The following FSCN1 variants were observed in gnomAD, a reference collection of about 807,000 sequenced individuals.
The protein encoded by FSCN1 is fascin.
In FSCN1, 10 loss-of-function variants were observed where a neutral mutation model predicts 39.7. The observed-to-expected ratio is 0.25, with a 90% CI of 0.16 to 0.43. The LOEUF is 0.43. Among genes scored for constraint, FSCN1 ranks in the 20% least tolerant of loss-of-function variants. The probability of loss-of-function intolerance (pLI) is 1.00; values close to 1 mark genes in which losing one functional copy is unlikely to be tolerated. For synonymous variants in FSCN1, 322 were observed against 320.0 expected (o/e 1.01, Z -0.07); for missense variants, 525 against 723.8 (o/e 0.73, Z 3.15).
In FSCN1 at chr7:5,600,232, T is replaced by C. The variant is rs144045789; in HGVS notation, c.833-3025T>C. ...TTTGAGACCGGCCTGGCCAACATAATGAAACTCCGTCTCTACTAAAAATAC... is the reference window on the plus strand; with the variant it reads ...TTTGAGACCGGCCTGGCCAACATAACGAAACTCCGTCTCTACTAAAAATAC... On this transcript the variant is annotated intron_variant, in intron 1 of 4. Transcript: ENST00000382361. Among the ~76,000 whole-genome samples the C allele has an allele frequency of 3.6e-3, 540 of 152,074 alleles. 4 individuals carry two copies. The highest frequency in any genetic ancestry group is 0.012 in the African/African-American group (498 of 41,482).
intron 4 of FSCN1, among the ~76,000 whole-genome samples, chr7:5,604,448 G>A (rs1266517960): frequency 6.6e-6 from 1 of 152,074 alleles, no homozygotes; most frequent in East Asian, 1.9e-4. Flanking sequence ...ACAATCCAGA[G>A]GTGCCTGTTA....
At chr7:5,595,367 A>G (rs1185513441) in intron 1 of FSCN1, among the ~76,000 whole-genome samples, 4 of 152,238 alleles carry the variant, frequency 2.6e-5, no homozygotes, top group Non-Finnish European at 5.9e-5. Context: ...ATTTGGCTCC[A>G]GAAACCCCGT....
chr7:5,604,990 C>T (rs1785906693), intron 4 of FSCN1, among the ~76,000 whole-genome samples: 1 of 152,080 alleles, frequency 6.6e-6, no homozygotes, highest in Non-Finnish European at 1.5e-5. Context: ...GCAAGGCTGG[C>T]TCGAACTCCT....
intron 4 of FSCN1, among the ~76,000 whole-genome samples, chr7:5,604,590 T>A (rs1451398942): frequency 6.6e-6 from 1 of 152,052 alleles, no homozygotes; most frequent in Non-Finnish European, 1.5e-5. Flanking sequence ...TGCCTCAGCC[T>A]CCCAAGTAGC....
chr7:5,593,997 G>A (rs1785681184), intron 1 of FSCN1: 2 of 552,484 alleles, frequency 3.6e-6, no homozygotes, highest in South Asian at 2.2e-5. Context: ...CTGGGATCAT[G>A]GGCTCCCCTA....
chr7:5,593,653 G>T lies in FSCN1; in HGVS notation c.717G>T (p.Thr239=). 1.9e-6 allele frequency: 3 copies of T among 1,580,308 alleles called. No individual in the cohort carries two copies. Among genetic ancestry groups the T allele is most frequent in the Non-Finnish European group, 2.6e-6 (3 of 1,170,476 alleles). ...RYLAPSGPSG[T]LKAGKATKVG... The stretch of plus-strand genomic sequence containing the variant: ...TGGCGCCGTCGGGGCCCAGCGGCAC[G>T]CTCAAGGCGGGCAAGGCCACCAAGG... Residue 239 remains threonine, a synonymous_variant, in exon 1 of 5, where the codon ACG becomes ACT. Coordinates refer to ENST00000382361, the MANE Select transcript of FSCN1 (RefSeq NM_003088.4).
chr7:5,593,980 C>T (rs1785680861), intron 1 of FSCN1: 2 of 556,496 alleles, frequency 3.6e-6, no homozygotes, highest in African/African-American at 2.0e-5. Context: ...CCACCTCCCA[C>T]CCCGGGCTGG....
At position 5,603,059 on chromosome 7, in the gene FSCN1, G is replaced by A. The variant is rs1469931709; in HGVS notation, c.833-198G>A. ...AGTCATGTGGGAACAGATGTAGCTT[G>A]CCTTGGCCTCTGACCGGCCCTGCCT... On this transcript the variant is annotated intron_variant, in intron 1 of 4. Coordinates refer to ENST00000382361, the MANE Select transcript of FSCN1 (RefSeq NM_003088.4). This position sits in a 1 kb window ranked among gnomAD's most constrained non-coding sequence, Gnocchi z 8.5. 2 of 610,308 alleles carry A rather than the reference G, an allele frequency of 3.3e-6. No homozygotes were observed. Among genetic ancestry groups the A allele is most frequent in the African/African-American group, 3.7e-5 (2 of 54,152 alleles). 37.8% of individuals were successfully genotyped at this position (610,308 alleles called of 1,614,324 possible). A position where few individuals can be genotyped will look rare whatever the true frequency, so the allele number is the denominator to read the frequency against.
At chr7:5,597,747 TAA>T (rs566357479) in intron 1 of FSCN1, among the ~76,000 whole-genome samples, 7 of 133,908 alleles carry the variant, frequency 5.2e-5, no homozygotes, top group African/African-American at 8.3e-5. Context: ...AGAAAAAAGT[TAA>T]AAAAAAAAAA....
At position 5,603,602 on chromosome 7, in the gene FSCN1, T is replaced by C; in HGVS notation, c.1096T>C (p.Ser366Pro). ...TSKKNGQLAA[S>P]VETAGDSELF... ...CAAGAAGAATGGGCAGCTGGCCGCC[T>C]CGGTGGAGACAGCAGGTAACACTAA... is the stretch of plus-strand genomic sequence containing the variant. The change falls in exon 3 of 5, where the codon TCG becomes CCG. Residue 366 changes from serine to proline, a missense_variant. Coordinates refer to ENST00000382361, the MANE Select transcript of FSCN1 (RefSeq NM_003088.4). This position sits in a 1 kb window ranked among gnomAD's most constrained non-coding sequence, Gnocchi z 8.5. 1 of 1,614,034 alleles carries C rather than the reference T, an allele frequency of 6.2e-7. No individual in the cohort carries two copies.
rs1323439987 is a variant in FSCN1 at position 5,593,168 on chromosome 7, G to A, written c.232G>A (p.Val78Met). The change falls in exon 1 of 5, where the codon GTG (valine) becomes ATG (methionine). Residue 78 changes from valine (V) to methionine (M), a missense_variant. Physicochemically the swap from Val to Met is conservative, Grantham distance 21. Around this residue, in one of 3 missense-constraint regions of FSCN1, gnomAD observed 246 missense variants for 350.6 expected, o/e 0.70. Coordinates refer to ENST00000382361, the MANE Select transcript of FSCN1 (RefSeq NM_003088.4). ...CCTGGCGGCGGACAAGGACGGCAAC[G>A]TGACCTGCGAGCGCGAGGTGCCCGG... ...RYLAADKDGN[V>M]TCEREVPGPD... The A allele has an allele frequency of 1.9e-6, 3 of 1,603,478 alleles. No individual in the cohort carries two copies. Among genetic ancestry groups the A allele is most frequent in the Admixed American group, 1.7e-5 (1 of 58,936 alleles).
intron 4 of FSCN1, among the ~76,000 whole-genome samples, chr7:5,604,667 A>C (rs1785900189): frequency 7.0e-6 from 1 of 143,372 alleles, no homozygotes; most frequent in Non-Finnish European, 1.5e-5. Context: ...TTATTTATTT[A>C]TTTTGAGACC....
At chr7:5,600,810 T>C (rs563911659) in intron 1 of FSCN1, among the ~76,000 whole-genome samples, 59 of 150,272 alleles carry the variant, frequency 3.9e-4, no homozygotes, top group South Asian at 3.6e-3. Context: ...CCCGCCACCG[T>C]GCCCGGCTAA....
intron 1 of FSCN1, 187 bp downstream of exon 1, chr7:5,593,955 C>T (rs1785680526): frequency 1.8e-6 from 1 of 563,988 alleles, no homozygotes; most frequent in African/African-American, 2.0e-5. Context: ...TTTGCCCATC[C>T]TCGGGTGCCG....
In FSCN1 at chr7:5,603,740, C is replaced by G; in HGVS notation, c.1111+123C>G. 6.7e-7 allele frequency: 1 copy of G among 1,503,260 alleles called. No individual in the cohort carries two copies. The highest frequency in any genetic ancestry group is 9.1e-7 in the Non-Finnish European group (1 of 1,097,198). The allele number at this position is 1,503,260 out of a possible 1,614,324, so 93.1% of individuals were successfully genotyped here. On this transcript the variant is annotated intron_variant, in intron 3 of 4. Transcript: ENST00000382361. The surrounding 1 kb of genome is among the most constrained non-coding windows in gnomAD (Gnocchi z 8.5). ...TGCTGGGCATCCCCCCGGACTGGCCCCGCACTGTCCTACCCTGGGGACTGC... is the reference window on the plus strand; with the variant it reads ...TGCTGGGCATCCCCCCGGACTGGCCGCGCACTGTCCTACCCTGGGGACTGC...
At chr7:5,594,362 G>T (rs556439328) in intron 1 of FSCN1, among the ~76,000 whole-genome samples, 8 of 133,062 alleles carry the variant, frequency 6.0e-5, no homozygotes, top group East Asian at 4.2e-4. Context: ...CTCCGCTGGT[G>T]GGGGGGGGCG....
At position 5,599,144 on chromosome 7, in the gene FSCN1, C is replaced by T. The variant is rs1458767255; in HGVS notation, c.833-4113C>T. Among the ~76,000 whole-genome samples, 1 of 152,066 alleles carries T rather than the reference C, an allele frequency of 6.6e-6. No individual in the cohort carries two copies. Among genetic ancestry groups the T allele is most frequent in the Non-Finnish European group, 1.5e-5 (1 of 67,994 alleles). On this transcript the variant is annotated intron_variant, in intron 1 of 4. Coordinates refer to ENST00000382361, the MANE Select transcript of FSCN1 (RefSeq NM_003088.4). The surrounding 1 kb of genome is among the most constrained non-coding windows in gnomAD (Gnocchi z 5.6). ...CACCCTGGGACCCAGCCCCTGCTCA[C>T]CTTATCCTCCTCCCGTGCTTGGCTG... is the stretch of plus-strand genomic sequence containing the variant.
In FSCN1 at chr7:5,603,538, C is replaced by A. The variant is rs1365798175; in HGVS notation, c.1032C>A (p.Arg344=). The A allele has an allele frequency of 1.2e-6, 2 of 1,614,178 alleles. No homozygotes were observed. The highest frequency in any genetic ancestry group is 1.7e-6 in the Non-Finnish European group (2 of 1,180,020). ...TTGACATCGAGTGGCGTGACCGGCG[C>A]ATCACACTGAGGGCGTCCAATGGCA... ...CYFDIEWRDR[R]ITLRASNGKF... is the part of the protein sequence containing the mutation. Residue 344 remains arginine, a synonymous_variant, in exon 3 of 5, where the codon CGC becomes CGA. Coordinates refer to ENST00000382361, the MANE Select transcript of FSCN1 (RefSeq NM_003088.4). This position sits in a 1 kb window ranked among gnomAD's most constrained non-coding sequence, Gnocchi z 8.5.
At chr7:5,598,091 GT>G (rs1462656979) in intron 1 of FSCN1, among the ~76,000 whole-genome samples, 2 of 152,214 alleles carry the variant, frequency 1.3e-5, no homozygotes, top group African/African-American at 4.8e-5. Flanking sequence ...CCCTGCTGGG[GT>G]GTGGCCTGAT....
Sources: allele counts gnomAD v4.1 joint callset (sites outside exome capture counted in the v4.1 genomes callset), GRCh38; gene constraint gnomAD v4.1.1; regional missense constraint gnomAD v4.1.1; non-coding constraint Gnocchi (gnomAD v3.1); transcripts MANE v1.5; gene names NCBI Gene and HGNC (gene_info 2026-07-23, HGNC 2026-07-21).